WDR33: variants seen among roughly 807,000 people sequenced by gnomAD.
WDR33 encodes WD repeat domain 33, also known as pre-mRNA 3' end processing protein WDR33.
In WDR33, 47 loss-of-function variants were observed where a neutral mutation model predicts 164.9. That is an observed-to-expected ratio of 0.29 (90% CI 0.23 to 0.36). The LOEUF (loss-of-function observed/expected upper bound fraction) is 0.36, where lower values mean the gene tolerates loss of function less well. WDR33 is among the 10% of genes least tolerant of loss of function. WDR33 has a pLI of 1.00. For missense variants in WDR33, 1,137 were observed against 1,754.1 expected (o/e 0.65, Z 6.28); for synonymous variants, 505 against 589.0 (o/e 0.86, Z 2.06).
intron 1 of WDR33, among the ~76,000 whole-genome samples, chr2:127,779,943 G>C (rs532600316): frequency 1.8e-4 from 28 of 151,836 alleles, no homozygotes; most frequent in African/African-American, 6.3e-4. Flanking sequence ...AATTCATATA[G>C]GACTTTTAAA....
rs1471840495 is a variant in WDR33 at position 127,750,698 on chromosome 2, ATATATATATATATATG to A, written c.724+12348_724+12363del. Among the ~76,000 whole-genome samples, 306 of 60,256 alleles carry A rather than the reference ATATATATATATATATG, an allele frequency of 5.1e-3. 15 individuals are homozygous for A. The highest frequency in any genetic ancestry group is 0.029 in the African/African-American group (292 of 10,192). 39.5% of individuals were successfully genotyped at this position (60,256 alleles called of 152,430 possible). ...AAAAAATATATATATATATATATAT[ATATATATATATATATG>A]TATGTATGCATACATATATATGTAT... On this transcript the variant is annotated intron_variant, in intron 7 of 21. Transcript: ENST00000322313.
rs149059383 is a variant in WDR33 at position 127,766,611 on chromosome 2, A to G, written c.379-1342T>C. On this transcript the variant is annotated intron_variant, in intron 4 of 21. Coordinates refer to ENST00000322313, the MANE Select transcript of WDR33 (RefSeq NM_018383.5). ...CCAAATGAGAACATTTACCCACCTT[A>G]TAAGATATGGATGCTCGGATTTTAT... Among the ~76,000 whole-genome samples, 855 of 152,268 alleles carry G rather than the reference A, an allele frequency of 5.6e-3. 8 individuals are homozygous for G. Among genetic ancestry groups the G allele is most frequent in the South Asian group, 0.04 (193 of 4,826 alleles).
At chr2:127,787,262 T>C (rs1242844063) in intron 1 of WDR33, among the ~76,000 whole-genome samples, 1 of 108,996 alleles carries the variant, frequency 9.2e-6, no homozygotes, top group African/African-American at 4.4e-5. Flanking sequence ...TACTTCTTTC[T>C]ACACAGACAC....
intron 1 of WDR33, among the ~76,000 whole-genome samples, chr2:127,797,872 G>C (rs1689093712): frequency 6.6e-6 from 1 of 152,002 alleles, no homozygotes; most frequent in South Asian, 2.1e-4. Context: ...ACTTAGCCGG[G>C]CATGGTGGTA....
chr2:127,805,061 G>GTTTTT (rs1363407602), intron 1 of WDR33, among the ~76,000 whole-genome samples: 1 of 108,462 alleles, frequency 9.2e-6, no homozygotes, highest in African/African-American at 3.8e-5. Flanking sequence ...CACCTGTGAA[G>GTTTTT]TTTTTTCTTT....
At chr2:127,751,423 G>A (rs986726200) in intron 7 of WDR33, among the ~76,000 whole-genome samples, 3 of 145,898 alleles carry the variant, frequency 2.1e-5, no homozygotes, top group Admixed American at 1.4e-4. Flanking sequence ...GAGTGAAGAT[G>A]CTCTATTTAA....
At chr2:127,737,811 A>G in intron 7 of WDR33, 1 of 1,351,332 alleles carries the variant, frequency 7.4e-7, no homozygotes, top group East Asian at 3.0e-5. Context: ...CAGATTAAGG[A>G]TACACTTCTT....
intron 1 of WDR33, among the ~76,000 whole-genome samples, chr2:127,806,435 T>C (rs895581417): frequency 2.6e-5 from 4 of 152,088 alleles, no homozygotes; most frequent in African/African-American, 9.7e-5. Context: ...CTCAAACTCC[T>C]GACCTCAGGT....
chr2:127,737,936 G>A (rs2105398578), intron 7 of WDR33: 1 of 1,575,908 alleles, frequency 6.3e-7, no homozygotes, highest in South Asian at 1.2e-5. Flanking sequence ...TGTTTTGCCA[G>A]AATCTTCTTG....
At chr2:127,808,940 G>A (rs1689533606) in intron 1 of WDR33, among the ~76,000 whole-genome samples, 1 of 149,962 alleles carries the variant, frequency 6.7e-6, no homozygotes, top group Non-Finnish European at 1.5e-5. Context: ...TCAGGCAGGA[G>A]AATGGCGTGA....
intron 7 of WDR33, among the ~76,000 whole-genome samples, chr2:127,745,135 T>C (rs145675715): frequency 6.6e-6 from 1 of 152,308 alleles, no homozygotes; most frequent in East Asian, 1.9e-4. Context: ...AACACTTCTT[T>C]AAAACGCATA....
chr2:127,769,009 A>ATAAATAAG lies in WDR33; in HGVS notation c.205-9_205-8insCTTATTTA. 1 of 773,826 alleles carries ATAAATAAG rather than the reference A, an allele frequency of 1.3e-6. No homozygotes were observed. The allele number at this position is 773,826 out of a possible 1,614,324, so 47.9% of individuals were successfully genotyped here. On this transcript the variant is annotated splice_polypyrimidine_tract_variant and intron_variant, in intron 2 of 21. Transcript: ENST00000322313. Reference sequence around the variant, plus strand: ...TCTTTGCCATATTCTGTTCTGTTAAATAAATAAATAAATAAATAAATAAAT... The same window carrying ATAAATAAG: ...TCTTTGCCATATTCTGTTCTGTTAAATAAATAAGTAAATAAATAAATAAATAAATAAAT...
intron 4 of WDR33, among the ~76,000 whole-genome samples, chr2:127,766,803 C>A (rs934122869): frequency 6.6e-6 from 1 of 150,902 alleles, no homozygotes; most frequent in Non-Finnish European, 1.5e-5. Context: ...GAGTTTCGAT[C>A]TTGTCGCCCA....
At chr2:127,788,306 C>A (rs1384324314) in intron 1 of WDR33, among the ~76,000 whole-genome samples, 8 of 127,272 alleles carry the variant, frequency 6.3e-5, no homozygotes, top group Non-Finnish European at 8.5e-5. Flanking sequence ...CTGACCCCCC[C>A]ACCTCCCTCC....
Position 127,726,884 on chromosome 2 carries a change from AAC to A in WDR33, c.725-109_725-108del. ...AATGTTTTGCTCTCAGTGCTCAGTC[AAC>A]TTAAAACTTGTTTTGTGAAGACTCT... On this transcript the variant is annotated intron_variant, in intron 7 of 21. Coordinates refer to ENST00000322313, the MANE Select transcript of WDR33 (RefSeq NM_018383.5). The surrounding 1 kb of genome is among the most constrained non-coding windows in gnomAD (Gnocchi z 4.8). 7.0e-7 allele frequency: 1 copy of A among 1,433,216 alleles called. No homozygotes were observed. Among genetic ancestry groups the A allele is most frequent in the Non-Finnish European group, 9.4e-7 (1 of 1,058,446 alleles). The allele number at this position is 1,433,216 out of a possible 1,614,324, so 88.8% of individuals were successfully genotyped here.
Position 127,764,346 on chromosome 2 carries a change from G to C in WDR33, c.626+482C>G, listed in dbSNP as rs183119337. On this transcript the variant is annotated intron_variant, in intron 6 of 21. Coordinates refer to ENST00000322313, the MANE Select transcript of WDR33 (RefSeq NM_018383.5). This position sits in a 1 kb window ranked among gnomAD's most constrained non-coding sequence, Gnocchi z 6.2. ...CATCCAGTTATCTGTGAGGGTTTTA[G>C]TCCTATACTTTCCTTTGGAAGTCGT... The C allele has an allele frequency of 5.7e-6, 8 of 1,413,054 alleles. No homozygotes were observed. The Admixed American group carries it at 2.0e-4, about 35-fold the overall frequency. 87.5% of individuals were successfully genotyped at this position (1,413,054 alleles called of 1,614,324 possible).
chr2:127,734,323 G>C (rs1430629059), intron 7 of WDR33, among the ~76,000 whole-genome samples: 1 of 152,128 alleles, frequency 6.6e-6, no homozygotes, highest in Non-Finnish European at 1.5e-5. Flanking sequence ...TCATTCCTTA[G>C]CTAGCTATCC....
intron 1 of WDR33, among the ~76,000 whole-genome samples, chr2:127,773,835 C>A (rs1688092846): frequency 6.6e-6 from 1 of 152,108 alleles, no homozygotes; most frequent in Non-Finnish European, 1.5e-5. Flanking sequence ...GCGATCTCGG[C>A]TCACTGCAAT....
intron 1 of WDR33, among the ~76,000 whole-genome samples, chr2:127,791,380 A>G (rs914096020): frequency 2.0e-5 from 3 of 152,006 alleles, no homozygotes; most frequent in African/African-American, 4.8e-5. Context: ...CCATAAAAAT[A>G]CCATAGACTG....
Sources: allele counts gnomAD v4.1 joint callset (sites outside exome capture counted in the v4.1 genomes callset), GRCh38; gene constraint gnomAD v4.1.1; non-coding constraint Gnocchi (gnomAD v3.1); transcripts MANE v1.5; gene names NCBI Gene and HGNC (gene_info 2026-07-23, HGNC 2026-07-21).